The following CEP85L variants were observed in gnomAD, a reference collection of about 807,000 sequenced individuals.
CEP85L encodes centrosomal protein 85L, also known as centrosomal protein of 85 kDa-like.
Under a neutral mutation model 100.3 loss-of-function variants are expected in CEP85L, and 60 were observed. The ratio of observed to expected loss-of-function variants is 0.60; its 90% confidence interval spans 0.49 to 0.74. CEP85L has a LOEUF of 0.74. CEP85L is among the 30% of genes least tolerant of loss of function. CEP85L has a pLI of 0.00. For missense variants in CEP85L, 973 were observed against 936.2 expected (o/e 1.04, Z -0.51); for synonymous variants, 319 against 322.7 (o/e 0.99, Z 0.12).
chr6:118,631,884 C>T (rs1203446239), intron 2 of CEP85L, among the ~76,000 whole-genome samples: 1 of 152,170 alleles, frequency 6.6e-6, no homozygotes, highest in Non-Finnish European at 1.5e-5. Context: ...AATGTCAATA[C>T]CCTGGTTACA....
intron 2 of CEP85L, among the ~76,000 whole-genome samples, chr6:118,568,545 T>C (rs1779682856): frequency 6.6e-6 from 1 of 152,240 alleles, no homozygotes; most frequent in Non-Finnish European, 1.5e-5. Flanking sequence ...AGCAGAATTA[T>C]ACACATCTTC....
At position 118,678,854 on chromosome 6, in the gene CEP85L, C is replaced by G. The variant is rs143891092; in HGVS notation, c.-27-26046G>C. On this transcript the variant is annotated intron_variant, in intron 1 of 13. Coordinates refer to the CEP85L transcript ENST00000368488. ...GGCTGAGCCAGGAGAATCTCTTGAA[C>G]CCGGGAGGTGGAGGTTCCAGTGAGC... Among the ~76,000 whole-genome samples, 1,180 of 152,332 alleles carry G rather than the reference C, an allele frequency of 7.7e-3. 13 individuals are homozygous for G. Among genetic ancestry groups the G allele is most frequent in the Middle Eastern group, 0.014 (4 of 294 alleles).
Position 118,565,807 on chromosome 6 carries a change from T to C in CEP85L, c.742A>G (p.Arg248Gly). 1 of 1,614,146 alleles carries C rather than the reference T, an allele frequency of 6.2e-7. No homozygotes were observed. Among genetic ancestry groups the C allele is most frequent in the Non-Finnish European group, 8.5e-7 (1 of 1,180,026 alleles). The change falls in exon 3 of 13, where the codon AGG (arginine) becomes GGG (glycine). Residue 248 changes from arginine to glycine, a missense_variant. Around this residue, in one of 3 missense-constraint regions of CEP85L, gnomAD observed 890 missense variants for 844.5 expected, o/e 1.05. Transcript: ENST00000368491. ...TATGTCATGTCTACAGGCTGTCTCC[T>C]AAGAGTAGAGGAAGAGGCTCTAAAG... ...EDFRASSSTL[R>G]RQPVDMTYSA...
At chr6:118,677,896 A>G (rs978259184) in intron 1 of CEP85L, among the ~76,000 whole-genome samples, 5 of 152,170 alleles carry the variant, frequency 3.3e-5, no homozygotes, top group Admixed American at 6.5e-5. Flanking sequence ...TAGGTTATAA[A>G]TGTTTCTTGG....
At chr6:118,699,781 G>A (rs373183275) in intron 1 of CEP85L, among the ~76,000 whole-genome samples, 6 of 152,066 alleles carry the variant, frequency 3.9e-5, no homozygotes, top group East Asian at 1.9e-4. Context: ...TGCAACCTCC[G>A]CCTCCTGGGT....
At chr6:118,572,784 G>A (rs768673594) in intron 2 of CEP85L, among the ~76,000 whole-genome samples, 8 of 152,098 alleles carry the variant, frequency 5.3e-5, no homozygotes, top group Non-Finnish European at 7.4e-5. Flanking sequence ...ATATGAGGCC[G>A]GGTGCGGTGG....
At chr6:118,556,120 T>TA (rs1313595887) in intron 3 of CEP85L, among the ~76,000 whole-genome samples, 1 of 152,228 alleles carries the variant, frequency 6.6e-6, no homozygotes, top group Non-Finnish European at 1.5e-5. Flanking sequence ...TTCATGGGTG[T>TA]ATGTCTTTAC....
intron 2 of CEP85L, among the ~76,000 whole-genome samples, chr6:118,590,006 G>T (rs1170829976): frequency 1.3e-5 from 2 of 151,992 alleles, no homozygotes. Context: ...GACTATTGAG[G>T]CCAGTTCTGG....
chr6:118,516,119 T>C (rs1219963356), intron 4 of CEP85L, among the ~76,000 whole-genome samples: 1 of 152,176 alleles, frequency 6.6e-6, no homozygotes, highest in African/African-American at 2.4e-5. Flanking sequence ...CCATGGTGTA[T>C]ATGTGCCACA....
chr6:118,695,127 T>C (rs920100017), intron 1 of CEP85L, among the ~76,000 whole-genome samples: 1 of 152,192 alleles, frequency 6.6e-6, no homozygotes, highest in Non-Finnish European at 1.5e-5. Flanking sequence ...TCCAATAGCA[T>C]AAACCATTTT....
chr6:118,556,736 T>G (rs889093608), intron 3 of CEP85L, among the ~76,000 whole-genome samples: 3 of 152,210 alleles, frequency 2.0e-5, no homozygotes, highest in African/African-American at 7.2e-5. Flanking sequence ...TAACAGTCAC[T>G]ATGTCTGGCA....
In CEP85L at chr6:118,496,309, ATC is replaced by A. The variant is rs1347478639; in HGVS notation, c.1258-4446_1258-4445del. ...GAGATGGACGCAGGGCACACACGTCATCTCTTATACACAGAAGTGATTGCTTT... is the reference window on the plus strand; with the variant it reads ...GAGATGGACGCAGGGCACACACGTCATCTTATACACAGAAGTGATTGCTTT... On this transcript the variant is annotated intron_variant, in intron 5 of 12. Coordinates refer to ENST00000368491, the MANE Select transcript of CEP85L (RefSeq NM_001042475.3). 5.3e-5 allele frequency among the ~76,000 whole-genome samples: 8 copies of A among 150,420 alleles called. 1 individual carries two copies. The South Asian group carries it at 1.7e-3, about 32-fold the overall frequency.
At chr6:118,555,797 C>G (rs903895033) in intron 3 of CEP85L, among the ~76,000 whole-genome samples, 1 of 152,072 alleles carries the variant, frequency 6.6e-6, no homozygotes, top group Non-Finnish European at 1.5e-5. Context: ...CCTCTGCCTC[C>G]TCCCATCCTC....
intron 10 of CEP85L, among the ~76,000 whole-genome samples, chr6:118,472,718 C>T (rs952548174): frequency 2.0e-5 from 3 of 152,052 alleles, no homozygotes; most frequent in Admixed American, 2.0e-4. Context: ...GAGTGTTTGG[C>T]CTTGTGAATT....
chr6:118,615,659 G>A (rs1426841611), intron 2 of CEP85L, among the ~76,000 whole-genome samples: 1 of 152,182 alleles, frequency 6.6e-6, no homozygotes, highest in African/African-American at 2.4e-5. Context: ...CTAATAATGT[G>A]ATTAATGGTG....
At chr6:118,511,595 T>A (rs895561403) in intron 4 of CEP85L, among the ~76,000 whole-genome samples, 180 bp from the exon 5 acceptor site, 1 of 152,206 alleles carries the variant, frequency 6.6e-6, no homozygotes, top group Non-Finnish European at 1.5e-5. Flanking sequence ...TCTGTAAATA[T>A]GTATGCTTAG....
intron 4 of CEP85L, among the ~76,000 whole-genome samples, chr6:118,517,114 G>A (rs746549072): frequency 8.6e-5 from 13 of 151,892 alleles, no homozygotes; most frequent in Non-Finnish European, 1.3e-4. Context: ...ATCTGTCTTC[G>A]TACAAGTACC....
intron 1 of CEP85L, among the ~76,000 whole-genome samples, chr6:118,677,998 A>AG (rs1776534217): frequency 6.6e-6 from 1 of 152,240 alleles, no homozygotes; most frequent in South Asian, 2.1e-4. Flanking sequence ...CCCTGCTAAA[A>AG]GCCTTCCCTG....
At chr6:118,594,812 C>A (rs1432322183) in intron 2 of CEP85L, among the ~76,000 whole-genome samples, 5 of 149,206 alleles carry the variant, frequency 3.4e-5, no homozygotes, top group Non-Finnish European at 7.4e-5. Flanking sequence ...GCCGAGATCC[C>A]GCCACTACAC....
Sources: allele counts gnomAD v4.1 joint callset (sites outside exome capture counted in the v4.1 genomes callset), GRCh38; gene constraint gnomAD v4.1.1; regional missense constraint gnomAD v4.1.1; transcripts MANE v1.5; gene names NCBI Gene and HGNC (gene_info 2026-07-23, HGNC 2026-07-21).